Variants in NUP93 observed in about 807,000 individuals in gnomAD.
NUP93 encodes nuclear pore complex protein Nup93.
Under a neutral mutation model 107.8 loss-of-function variants are expected in NUP93, and 55 were observed. The observed-to-expected ratio is 0.51, with a 90% CI of 0.41 to 0.64. The LOEUF is 0.64. NUP93 is among the 30% of genes least tolerant of loss of function. The pLI is 0.00. For missense variants in NUP93, 937 were observed against 1,044.7 expected (o/e 0.90, Z 1.42); for synonymous variants, 390 against 397.5 (o/e 0.98, Z 0.22).
intron 2 of NUP93, among the ~76,000 whole-genome samples, chr16:56,757,231 G>T (rs1962040676): frequency 6.6e-6 from 1 of 152,228 alleles, no homozygotes; most frequent in African/African-American, 2.4e-5. Flanking sequence ...TACATGTGCT[G>T]CCAAATTCTC....
chr16:56,755,220 C>G (rs1407866832), intron 2 of NUP93, among the ~76,000 whole-genome samples: 1 of 152,120 alleles, frequency 6.6e-6, no homozygotes, highest in African/African-American at 2.4e-5. Context: ...ATCCAAATGC[C>G]CATCCACTGA....
At chr16:56,839,166 C>A in intron 19 of NUP93, 97 bp downstream of exon 19, 1 of 763,790 alleles carries the variant, frequency 1.3e-6, no homozygotes, top group Non-Finnish European at 2.1e-6. Flanking sequence ...GGAGCTGTTG[C>A]CAGTATGTTT....
chr16:56,813,958 G>A (rs1327565312), intron 5 of NUP93, among the ~76,000 whole-genome samples: 1 of 152,114 alleles, frequency 6.6e-6, no homozygotes, highest in African/African-American at 2.4e-5. Context: ...TAGGACCCTA[G>A]TCCTCTCTGG....
intron 3 of NUP93, among the ~76,000 whole-genome samples, chr16:56,770,091 T>G (rs1248398769): frequency 6.6e-6 from 1 of 152,246 alleles, no homozygotes; most frequent in East Asian, 1.9e-4. Flanking sequence ...TCTTGCAAAC[T>G]GGTACTCTTT....
chr16:56,844,585 G>A lies in NUP93; in HGVS notation c.2436G>A (p.Val812=). The A allele has an allele frequency of 6.3e-7, 1 of 1,593,598 alleles. No homozygotes were observed. The highest frequency in any genetic ancestry group is 8.5e-7 in the Non-Finnish European group (1 of 1,170,180). Residue 812 remains valine, a synonymous_variant, in exon 22 of 22, where the codon GTG becomes GTA. Transcript: ENST00000308159. ...RTSGDTNARL[V]QMEVLMN ...CTGGGGACACCAATGCGAGGCTGGT[G>A]CAGATGGAGGTCCTCATGAATTAAG...
chr16:56,766,974 A>G (rs1962226845), intron 3 of NUP93, among the ~76,000 whole-genome samples: 1 of 152,242 alleles, frequency 6.6e-6, no homozygotes. Context: ...TCTAAGAACC[A>G]GTGTGTATCG....
intron 9 of NUP93, 95 bp downstream of exon 9, chr16:56,829,204 T>C: frequency 7.0e-7 from 1 of 1,435,598 alleles, no homozygotes. Flanking sequence ...CTGTGGAGAC[T>C]ACTGTGTGGA....
At chr16:56,841,859 C>T in intron 21 of NUP93, 26 bp downstream of exon 21, 1 of 1,612,556 alleles carries the variant, frequency 6.2e-7, no homozygotes, top group Non-Finnish European at 8.5e-7. Flanking sequence ...TCGCGAGAAA[C>T]ATTGCTAAGC....
chr16:56,834,375 A>G lies in NUP93; in HGVS notation c.1670A>G (p.Glu557Gly). The part of the protein sequence containing the change: ...ALQYFYFLRD[E>G]KDSQGENMFL... ...GTTGTTTATTTCCCTTACAGGGATG[A>G]GAAAGATAGTCAAGGAGAAAACATG... Residue 557 changes from glutamate to glycine, a missense_variant, in exon 15 of 22, where the codon GAG becomes GGG. Coordinates refer to ENST00000308159, the MANE Select transcript of NUP93 (RefSeq NM_014669.5). The G allele has an allele frequency of 1.2e-6, 2 of 1,614,228 alleles. No homozygotes were observed.
intron 10 of NUP93, among the ~76,000 whole-genome samples, chr16:56,831,216 A>G (rs543990234): frequency 2.0e-5 from 3 of 152,330 alleles, no homozygotes; most frequent in Admixed American, 2.0e-4. Context: ...TTGCTAATGT[A>G]ATTGGACTTA....
rs377093218 is a variant in NUP93, at chr16:56,805,284, G to A, written c.361-220G>A. On this transcript the variant is annotated intron_variant, in intron 4 of 21. Coordinates refer to ENST00000308159, the MANE Select transcript of NUP93 (RefSeq NM_014669.5). ...GCTGCTCTCGAACACCTGGGCTCAA[G>A]CAATCTGCCTGCTTTGGCTCCCCAA... is the stretch of plus-strand genomic sequence containing the variant. 5.9e-5 allele frequency among the ~76,000 whole-genome samples: 9 copies of A among 152,286 alleles called. No individual in the cohort carries two copies. In the East Asian group the frequency reaches 1.7e-3, roughly 29 times the overall value.
intron 2 of NUP93, among the ~76,000 whole-genome samples, chr16:56,752,786 C>T (rs1248499541): frequency 1.3e-5 from 2 of 152,172 alleles, no homozygotes; most frequent in East Asian, 1.9e-4. Context: ...GACTATGGTA[C>T]TGGCATAAGG....
chr16:56,732,541 G>A (rs757262039), intron 1 of NUP93, among the ~76,000 whole-genome samples: 1 of 152,224 alleles, frequency 6.6e-6, no homozygotes, highest in Non-Finnish European at 1.5e-5. Context: ...CTATCTGAGA[G>A]CATTGCTGGT....
At position 56,829,770 on chromosome 16, in the gene NUP93, C is replaced by T. The variant is rs138113563; in HGVS notation, c.927+661C>T. Among the ~76,000 whole-genome samples, 971 of 152,194 alleles carry T rather than the reference C, an allele frequency of 6.4e-3. 9 individuals carry two copies. The highest frequency in any genetic ancestry group is 0.022 in the African/African-American group (921 of 41,544). On this transcript the variant is annotated intron_variant, in intron 9 of 21. Transcript: ENST00000308159. Reference sequence around the variant, plus strand: ...CAAGCTTGGGGCCCACTAGTGAAGGCCTTAAGTGCCAGGCCCAGCACTTTG... The same window carrying T: ...CAAGCTTGGGGCCCACTAGTGAAGGTCTTAAGTGCCAGGCCCAGCACTTTG...
rs932310659 is a variant in NUP93, at chr16:56,834,018, G to A, written c.1538-110G>A. On this transcript the variant is annotated intron_variant, in intron 13 of 21. Transcript: ENST00000308159. ...GCTTATATTAGCAAACTTTGACTGG[G>A]CTGCAGGAGTAGATGCTGCTGGGTC... The A allele has an allele frequency of 1.6e-5, 24 of 1,474,342 alleles. No individual in the cohort carries two copies. The East Asian group carries it at 5.0e-4, about 31-fold the overall frequency. The allele number at this position is 1,474,342 out of a possible 1,614,324, so 91.3% of individuals were successfully genotyped here.
At position 56,750,273 on chromosome 16, in the gene NUP93, A is replaced by G. The variant is rs538821976; in HGVS notation, c.179+1847A>G. Among the ~76,000 whole-genome samples, 5 of 152,306 alleles carry G rather than the reference A, an allele frequency of 3.3e-5. No homozygotes were observed. The East Asian group carries it at 5.8e-4, about 18-fold the overall frequency. On this transcript the variant is annotated intron_variant, in intron 2 of 21. Coordinates refer to ENST00000308159, the MANE Select transcript of NUP93 (RefSeq NM_014669.5). ...GGGCAGGTGCTTAAAAAGAAACCAA[A>G]GGGCTGATGACTGTGTTTTTCCATC...
intron 1 of NUP93, among the ~76,000 whole-genome samples, chr16:56,742,261 C>G (rs1356277326): frequency 6.6e-6 from 1 of 152,218 alleles, no homozygotes; most frequent in Non-Finnish European, 1.5e-5. Context: ...ATCTTTTTAA[C>G]AGTGTTTTCA....
rs1253934251 is a variant in NUP93, at chr16:56,798,563, A to G, written c.360+25A>G. 5.7e-6 allele frequency: 9 copies of G among 1,590,682 alleles called. No homozygotes were observed. The Admixed American group carries it at 1.3e-4, about 24-fold the overall frequency. On this transcript the variant is annotated intron_variant, in intron 4 of 21. Transcript: ENST00000308159. ...GGTAAGAAAATTAACCAAAATGTAGATGTATACAGATGAGGGCAAGAGGGC... is the reference window on the plus strand; with the variant it reads ...GGTAAGAAAATTAACCAAAATGTAGGTGTATACAGATGAGGGCAAGAGGGC...
At chr16:56,814,901 C>T (rs1963389458) in intron 5 of NUP93, among the ~76,000 whole-genome samples, 1 of 152,216 alleles carries the variant, frequency 6.6e-6, no homozygotes, top group Non-Finnish European at 1.5e-5. Flanking sequence ...CTCAGGCAGT[C>T]CCTGGCTGTG....
Sources: allele counts gnomAD v4.1 joint callset (sites outside exome capture counted in the v4.1 genomes callset), GRCh38; gene constraint gnomAD v4.1.1; transcripts MANE v1.5; gene names NCBI Gene and HGNC (gene_info 2026-07-23, HGNC 2026-07-21).